The following ICE2 variants were observed in gnomAD, a reference collection of about 807,000 sequenced individuals.
ICE2 encodes interactor of little elongation complex ELL subunit 2.
In ICE2, 87 loss-of-function variants were observed where a neutral mutation model predicts 105.4. The ratio of observed to expected loss-of-function variants is 0.83; its 90% confidence interval spans 0.69 to 0.99. ICE2 has a LOEUF of 0.99. Ranked by LOEUF, ICE2 falls within the 50% of genes least tolerant of loss-of-function variation. The pLI, the probability that ICE2 is intolerant of heterozygous loss-of-function variation, is 0.00. For synonymous variants in ICE2, 399 were observed against 392.0 expected, an observed-to-expected ratio of 1.02 and a Z score of -0.21; for missense variants, 1,323 against 1,146.7, an observed-to-expected ratio of 1.15 and a Z score of -2.22.
intron 5 of ICE2, among the ~76,000 whole-genome samples, chr15:60,461,044 T>C (rs901676617): frequency 7.4e-6 from 1 of 135,164 alleles, no homozygotes; most frequent in African/African-American, 2.8e-5. Context: ...TAGATACTAG[T>C]AGCATTCCAC....
chr15:60,442,375 A>C, intron 12 of ICE2, 41 bp downstream of exon 12: 1 of 1,536,962 alleles, frequency 6.5e-7, no homozygotes, highest in Non-Finnish European at 8.8e-7. Flanking sequence ...TGTAATTACA[A>C]GAAAATTAAA....
Position 60,479,026 on chromosome 15 carries a change from C to G in ICE2, c.-116G>C, listed in dbSNP as rs1330676328. 2.2e-6 allele frequency: 1 copy of G among 456,012 alleles called. No individual in the cohort carries two copies. The highest frequency in any genetic ancestry group is 4.4e-6 in the Non-Finnish European group (1 of 226,750). The allele number at this position is 456,012 out of a possible 1,614,324, so 28.2% of individuals were successfully genotyped here. On this transcript the variant is annotated 5_prime_UTR_variant, in exon 1 of 16. Coordinates refer to ENST00000261520, the MANE Select transcript of ICE2 (RefSeq NM_024611.6). Reference sequence around the variant, plus strand: ...ACCTCATGGTCCGCGGCGGCTCTTGCCCAGGCCGCAGCCACACACCACACA... The same window carrying G: ...ACCTCATGGTCCGCGGCGGCTCTTGGCCAGGCCGCAGCCACACACCACACA...
intron 9 of ICE2, chr15:60,452,874 T>G: frequency 1.0e-6 from 1 of 985,414 alleles, no homozygotes; most frequent in South Asian, 4.7e-5. Flanking sequence ...AGATTAACAA[T>G]CTGGCAAAAT....
chr15:60,426,200 G>C (rs780033270), intron 15 of ICE2, among the ~76,000 whole-genome samples: 3 of 152,196 alleles, frequency 2.0e-5, no homozygotes, highest in Non-Finnish European at 4.4e-5. Flanking sequence ...ATATACAACA[G>C]TGGTCCCAAA....
chr15:60,440,664 A>G (rs528490549), intron 12 of ICE2: 2 of 152,300 alleles, frequency 1.3e-5, no homozygotes, highest in South Asian at 4.1e-4. Flanking sequence ...TGGGGCCAGC[A>G]ATCTCCACTT....
intron 15 of ICE2, among the ~76,000 whole-genome samples, chr15:60,424,218 AGAAGG>A (rs935670722): frequency 2.0e-5 from 3 of 152,106 alleles, no homozygotes; most frequent in Non-Finnish European, 4.4e-5. Context: ...AAAGATAATA[AGAAGG>A]GTAGGGAAGA....
chr15:60,439,823 C>T (rs1000645511), intron 12 of ICE2: 5 of 152,168 alleles, frequency 3.3e-5, no homozygotes. Context: ...GTCACTTGTT[C>T]ATCCTTTATG....
intron 11 of ICE2, among the ~76,000 whole-genome samples, chr15:60,446,808 T>C (rs2063832263): frequency 1.3e-5 from 2 of 152,224 alleles, no homozygotes; most frequent in South Asian, 2.1e-4. Context: ...ACATTCAAAG[T>C]GGTCAGTGAT....
At chr15:60,453,041 G>T in intron 9 of ICE2, 1 of 796,222 alleles carries the variant, frequency 1.3e-6, no homozygotes, top group Non-Finnish European at 1.5e-6. Flanking sequence ...GACCAGCCAG[G>T]CCAACATGGC....
intron 9 of ICE2, chr15:60,451,233 G>T: frequency 1.7e-6 from 1 of 589,820 alleles, no homozygotes. Context: ...AATAATAAAC[G>T]ATGAGAATAT....
At chr15:60,431,515 G>A (rs144539685) in intron 14 of ICE2, among the ~76,000 whole-genome samples, 1 of 152,238 alleles carries the variant, frequency 6.6e-6, no homozygotes, top group Non-Finnish European at 1.5e-5. Flanking sequence ...AATACAGGTG[G>A]TCACTAGAAA....
Position 60,420,217 on chromosome 15 carries a change from G to A in ICE2, c.*3417C>T, listed in dbSNP as rs934000720. On this transcript the variant is annotated 3_prime_UTR_variant, in exon 16 of 16. Transcript: ENST00000261520. Reference sequence around the variant, plus strand: ...TCTAACCACACTATTTTCTCAATGGGTTAACACCATCATTTACTCAGTATC... The same window carrying A: ...TCTAACCACACTATTTTCTCAATGGATTAACACCATCATTTACTCAGTATC... The A allele has an allele frequency of 6.6e-6, 1 of 151,304 alleles. No homozygotes were observed. Among genetic ancestry groups the A allele is most frequent in the African/African-American group, 2.4e-5 (1 of 41,182 alleles). The allele number at this position is 151,304 out of a possible 1,614,324, so 9.4% of individuals were successfully genotyped here. A position where few individuals can be genotyped will look rare whatever the true frequency, so the allele number is the denominator to read the frequency against.
chr15:60,421,904 A>T lies in ICE2; in HGVS notation c.*1730T>A, dbSNP rs1251029031. Reference sequence around the variant, plus strand: ...TATAACAAAAAATCAAAATGAAACAAAACTTGGTAGTTGAATATAAGTATT... The same window carrying T: ...TATAACAAAAAATCAAAATGAAACATAACTTGGTAGTTGAATATAAGTATT... On this transcript the variant is annotated 3_prime_UTR_variant, in exon 16 of 16. Coordinates refer to ENST00000261520, the MANE Select transcript of ICE2 (RefSeq NM_024611.6). 2 of 152,196 alleles carry T rather than the reference A, an allele frequency of 1.3e-5. No homozygotes were observed. The highest frequency in any genetic ancestry group is 2.9e-5 in the Non-Finnish European group (2 of 68,034). The allele number at this position is 152,196 out of a possible 1,614,324, so 9.4% of individuals were successfully genotyped here.
Position 60,449,325 on chromosome 15 carries a change from G to C in ICE2, c.1642C>G (p.Leu548Val). ...ACAGTCTTTTCCTTTGAGTTGTCTA[G>C]GTTTTCTAGAACATTAGGTCTTTCA... The part of the protein sequence containing the change: ...DGERPNVLEN[L>V]DNSKEKTVGS... Residue 548 changes from leucine to valine, a missense_variant, in exon 10 of 16, where the codon CTA becomes GTA. Transcript: ENST00000261520. 6.2e-7 allele frequency: 1 copy of C among 1,612,996 alleles called. No individual in the cohort carries two copies. Among genetic ancestry groups the C allele is most frequent in the South Asian group, 1.1e-5 (1 of 91,046 alleles).
intron 1 of ICE2, 121 bp from the exon 2 acceptor site, chr15:60,478,190 A>C: frequency 1.7e-6 from 1 of 579,612 alleles, no homozygotes; most frequent in Non-Finnish European, 3.1e-6. Flanking sequence ...CTAAAACAGA[A>C]TACAGCAGAC....
In ICE2 at chr15:60,453,647, C is replaced by T. The variant is rs775672799; in HGVS notation, c.1081G>A (p.Ala361Thr). The T allele has an allele frequency of 1.9e-6, 3 of 1,613,448 alleles. No individual in the cohort carries two copies. The highest frequency in any genetic ancestry group is 2.5e-6 in the Non-Finnish European group (3 of 1,179,490). Reference protein sequence around the residue: ...MSKNTSVPVSAVFMDKPEEFI... With the variant: ...MSKNTSVPVSTVFMDKPEEFI... ...TCTTCAGGTTTGTCCATAAAGACTGCAGAGACTGGAACAGATGTGTTTTTG... is the reference window on the plus strand; with the variant it reads ...TCTTCAGGTTTGTCCATAAAGACTGTAGAGACTGGAACAGATGTGTTTTTG... The change falls in exon 9 of 16, where the codon GCA (alanine) becomes ACA (threonine). Residue 361 changes from alanine to threonine, a missense_variant. Transcript: ENST00000261520.
In ICE2 at chr15:60,447,980, T is replaced by G. The variant is rs754915924; in HGVS notation, c.2285A>C (p.Lys762Thr). ...CAAATAACAACTTACTCTTCTGATT[T>G]TCTTCCGTTTTTTAGAACGTGGTCT... Reference protein sequence around the residue: ...ETRPRSKKRKKIRRQFPVYVL... With the variant: ...ETRPRSKKRKTIRRQFPVYVL... Residue 762 changes from lysine to threonine, a missense_variant, in exon 11 of 16, where the codon AAA becomes ACA. Lys to Thr is a moderately conservative substitution (Grantham distance 78). Transcript: ENST00000261520. The G allele has an allele frequency of 1.2e-6, 2 of 1,607,858 alleles. No individual in the cohort carries two copies. Among genetic ancestry groups the G allele is most frequent in the Non-Finnish European group, 1.7e-6 (2 of 1,178,102 alleles).
chr15:60,466,761 A>C, intron 4 of ICE2, 48 bp from the exon 5 acceptor site: 1 of 1,449,186 alleles, frequency 6.9e-7, no homozygotes, highest in South Asian at 1.2e-5. Context: ...AGTTTCATTA[A>C]AAAGAATCAC....
intron 9 of ICE2, among the ~76,000 whole-genome samples, chr15:60,450,166 GCCAAACGGGAGGC>G (rs1358859635): frequency 5.9e-5 from 9 of 152,142 alleles, no homozygotes; most frequent in Non-Finnish European, 2.9e-5. Flanking sequence ...GAAATGTAGG[GCCAAACGGGAGGC>G]AGATTTTCAT....
Sources: gnomAD v4.1 joint callset for allele counts (sites outside exome capture counted in the v4.1 genomes callset) on GRCh38, gnomAD v4.1.1 for gene constraint, MANE v1.5 for transcripts, NCBI Gene and HGNC (gene_info 2026-07-23, HGNC 2026-07-21) for gene names.